Variants in TSNARE1 observed in about 807,000 individuals in gnomAD.
TSNARE1 encodes the protein t-SNARE domain containing 1.
Under a neutral mutation model 62.0 loss-of-function variants are expected in TSNARE1, and 49 were observed. That is an observed-to-expected ratio of 0.79 (90% CI 0.63 to 1.00). The LOEUF is 1.00. TSNARE1 is among the 50% of genes least tolerant of loss of function. TSNARE1 has a pLI of 0.00. For synonymous variants in TSNARE1, 328 were observed against 294.4 expected, an observed-to-expected ratio of 1.11 and a Z score of -1.17; for missense variants, 755 against 700.1, an observed-to-expected ratio of 1.08 and a Z score of -0.88.
intron 1 of TSNARE1, among the ~76,000 whole-genome samples, chr8:142,375,300 C>T (rs1217560466): frequency 6.6e-6 from 1 of 152,256 alleles, no homozygotes; most frequent in Non-Finnish European, 1.5e-5. Context: ...CACCCAGGGC[C>T]TGGCCTGTGC....
intron 4 of TSNARE1, among the ~76,000 whole-genome samples, chr8:142,337,212 G>C (rs1248233880): frequency 6.6e-6 from 1 of 152,098 alleles, no homozygotes; most frequent in Non-Finnish European, 1.5e-5. Flanking sequence ...ATTTACATGG[G>C]AATAATACTG....
At chr8:142,340,436 G>A (rs1026445174) in intron 4 of TSNARE1, among the ~76,000 whole-genome samples, 2 of 152,202 alleles carry the variant, frequency 1.3e-5, no homozygotes, top group African/African-American at 2.4e-5. Context: ...AGGGCTGGGG[G>A]AGCTGAGGGT....
chr8:142,331,038 G>T, intron 5 of TSNARE1, 68 bp from the exon 6 acceptor site: 1 of 1,464,306 alleles, frequency 6.8e-7, no homozygotes, highest in Non-Finnish European at 9.5e-7. Context: ...CTCCATATGG[G>T]TGGCCCCACT....
chr8:142,310,478 C>T (rs1012584409), intron 9 of TSNARE1, among the ~76,000 whole-genome samples: 2 of 152,214 alleles, frequency 1.3e-5, no homozygotes, highest in African/African-American at 4.8e-5. Context: ...CCGGGACACG[C>T]TTCCCTCTGA....
intron 1 of TSNARE1, among the ~76,000 whole-genome samples, chr8:142,363,765 G>A (rs1835329900): frequency 6.6e-6 from 1 of 152,146 alleles, no homozygotes; most frequent in South Asian, 2.1e-4. Flanking sequence ...CCATGAATGT[G>A]CCCTCAGGGT....
At chr8:142,340,619 AAAT>A (rs34942005) in intron 4 of TSNARE1, among the ~76,000 whole-genome samples, 20,521 of 152,246 alleles carry the variant, frequency 0.13, 1,474 homozygotes, top group East Asian at 0.22. Flanking sequence ...TAAAGAAAGA[AAAT>A]AATAAGGCTG....
chr8:142,380,849 A>G (rs1219935747), intron 1 of TSNARE1, among the ~76,000 whole-genome samples: 1 of 152,044 alleles, frequency 6.6e-6, no homozygotes, highest in Non-Finnish European at 1.5e-5. Flanking sequence ...AACGAGTACT[A>G]TCTTAGGAAA....
chr8:142,357,038 G>A (rs181615666), intron 1 of TSNARE1, among the ~76,000 whole-genome samples: 2 of 152,066 alleles, frequency 1.3e-5, no homozygotes, highest in East Asian at 3.9e-4. Flanking sequence ...GGCAGAGCGG[G>A]GGCCTCCAGA....
rs1310972519 is a variant in TSNARE1, at chr8:142,282,580, T to C, written c.1363+1833A>G. 4.4e-3 allele frequency among the ~76,000 whole-genome samples: 566 copies of C among 127,664 alleles called. 5 individuals carry two copies. The highest frequency in any genetic ancestry group is 0.015 in the African/African-American group (508 of 32,784). The allele number at this position is 127,664 out of a possible 152,430, so 83.8% of individuals were successfully genotyped here. ...ACCAGTGTCTGTCAATGAGCGGAGG[T>C]GGGGCCAGTGTCTATCAATGAGCAG... is the stretch of plus-strand genomic sequence containing the variant. On this transcript the variant is annotated intron_variant, in intron 11 of 13. Transcript: ENST00000524325.
chr8:142,281,684 G>C (rs774483382), intron 11 of TSNARE1, among the ~76,000 whole-genome samples: 4 of 152,010 alleles, frequency 2.6e-5, no homozygotes, highest in African/African-American at 9.7e-5. Flanking sequence ...GAAGCCAAGG[G>C]CAACCCCATA....
chr8:142,331,077 G>T lies in TSNARE1; in HGVS notation c.824-107C>A, dbSNP rs1374479917. On this transcript the variant is annotated intron_variant, in intron 5 of 13. Coordinates refer to ENST00000524325, the MANE Select transcript of TSNARE1 (RefSeq NM_145003.5). The stretch of plus-strand genomic sequence containing the variant: ...GCCCGGGCAGGGTGAGCAGAGCCCA[G>T]GGACCAGTGCTTGAGCCAGGGCAGA... 6.1e-6 allele frequency: 6 copies of T among 985,416 alleles called. No individual in the cohort carries two copies. The Admixed American group carries it at 8.0e-5, about 13-fold the overall frequency. 61.0% of individuals were successfully genotyped at this position (985,416 alleles called of 1,614,324 possible).
At chr8:142,360,018 G>A (rs1835034295) in intron 1 of TSNARE1, among the ~76,000 whole-genome samples, 1 of 152,256 alleles carries the variant, frequency 6.6e-6, no homozygotes, top group Admixed American at 6.5e-5. Flanking sequence ...GAAGGGCTGT[G>A]CCACAGAAGC....
At chr8:142,214,387 G>A (rs937453337) in intron 13 of TSNARE1, among the ~76,000 whole-genome samples, 4 of 150,924 alleles carry the variant, frequency 2.7e-5, no homozygotes, top group South Asian at 2.1e-4. Context: ...TCCTCTCCCC[G>A]CCACCCCGGA....
At chr8:142,335,965 G>A (rs928363684) in intron 4 of TSNARE1, among the ~76,000 whole-genome samples, 2 of 152,128 alleles carry the variant, frequency 1.3e-5, no homozygotes, top group Non-Finnish European at 2.9e-5. Flanking sequence ...CCACCAAAAA[G>A]CAGAGCTTCT....
chr8:142,381,251 G>A lies in TSNARE1; in HGVS notation c.-40+21853C>T, dbSNP rs558945223. On this transcript the variant is annotated intron_variant, in intron 1 of 13. Coordinates refer to ENST00000524325, the MANE Select transcript of TSNARE1 (RefSeq NM_145003.5). Reference sequence around the variant, plus strand: ...CATCCACCCAGCCCAGGTCCCTGTCGGGCCATGGGCAGCCCAAGGCCATGT... The same window carrying A: ...CATCCACCCAGCCCAGGTCCCTGTCAGGCCATGGGCAGCCCAAGGCCATGT... Among the ~76,000 whole-genome samples, 423 of 152,332 alleles carry A rather than the reference G, an allele frequency of 2.8e-3. 3 individuals carry two copies. Among genetic ancestry groups the A allele is most frequent in the Non-Finnish European group, 5.0e-3 (343 of 68,034 alleles).
At chr8:142,283,092 T>C (rs1821933174) in intron 11 of TSNARE1, among the ~76,000 whole-genome samples, 1 of 146,296 alleles carries the variant, frequency 6.8e-6, no homozygotes, top group African/African-American at 2.6e-5. Flanking sequence ...TGTCTATCAA[T>C]GAGCAGAGGG....
intron 11 of TSNARE1, chr8:142,275,595 G>A (rs562505670): frequency 9.1e-6 from 9 of 985,180 alleles, no homozygotes; most frequent in East Asian, 1.1e-4. Context: ...AGGCACAGCC[G>A]GGGTCCTCAA....
chr8:142,344,733 G>C (rs1206006209), intron 3 of TSNARE1, among the ~76,000 whole-genome samples: 1 of 152,212 alleles, frequency 6.6e-6, no homozygotes, highest in African/African-American at 2.4e-5. Context: ...CACACCACTA[G>C]CCCTGCCTGC....
chr8:142,246,338 C>A (rs1415769023), intron 12 of TSNARE1, among the ~76,000 whole-genome samples: 2 of 152,172 alleles, frequency 1.3e-5, no homozygotes, highest in Non-Finnish European at 2.9e-5. Context: ...TTCCAAGTTA[C>A]ACAAGGGCCC....
Sources: gnomAD v4.1 joint callset for allele counts (sites outside exome capture counted in the v4.1 genomes callset) on GRCh38, gnomAD v4.1.1 for gene constraint, MANE v1.5 for transcripts, NCBI Gene and HGNC (gene_info 2026-07-23, HGNC 2026-07-21) for gene names.